The following CTDSPL2 variants were observed in gnomAD, a reference collection of about 807,000 sequenced individuals.
CTDSPL2 encodes the protein CTD small phosphatase like 2, also known as CTD small phosphatase-like protein 2.
In CTDSPL2, 5 loss-of-function variants were observed where a neutral mutation model predicts 60.0. That is an observed-to-expected ratio of 0.08 (90% CI 0.04 to 0.18). The LOEUF (loss-of-function observed/expected upper bound fraction) is 0.18, where lower values mean the gene tolerates loss of function less well. Ranked by LOEUF, CTDSPL2 falls within the 10% of genes least tolerant of loss-of-function variation. The pLI is 1.00. For synonymous variants in CTDSPL2, 186 were observed against 189.3 expected (o/e 0.98, Z 0.14); for missense variants, 370 against 548.8 (o/e 0.67, Z 3.26).
intron 1 of CTDSPL2, among the ~76,000 whole-genome samples, chr15:44,450,853 C>T (rs943823714): frequency 1.3e-5 from 2 of 151,954 alleles, no homozygotes; most frequent in Non-Finnish European, 2.9e-5. Flanking sequence ...CTGCCTTGGC[C>T]TCCCAAAGTG....
intron 1 of CTDSPL2, among the ~76,000 whole-genome samples, chr15:44,435,205 C>T (rs1361838695): frequency 2.8e-5 from 4 of 145,008 alleles, no homozygotes; most frequent in African/African-American, 5.2e-5. Context: ...TACAGTGAGC[C>T]GAGATCACGC....
chr15:44,469,020 A>G (rs1265773752), intron 2 of CTDSPL2, among the ~76,000 whole-genome samples: 1 of 152,030 alleles, frequency 6.6e-6, no homozygotes, highest in African/African-American at 2.4e-5. Context: ...ATTAATCCTT[A>G]TTTTACTTAA....
intron 1 of CTDSPL2, among the ~76,000 whole-genome samples, chr15:44,429,811 A>G (rs1595682288): frequency 6.6e-6 from 1 of 152,200 alleles, no homozygotes. Flanking sequence ...GGCTGCAGTG[A>G]GCTGAAGACC....
chr15:44,515,477 A>T (rs1222724759), intron 10 of CTDSPL2, among the ~76,000 whole-genome samples: 1 of 152,106 alleles, frequency 6.6e-6, no homozygotes, highest in African/African-American at 2.4e-5. Flanking sequence ...CTGAAGTGAG[A>T]TAGTAAGACT....
At chr15:44,429,313 A>G (rs1290983584) in intron 1 of CTDSPL2, among the ~76,000 whole-genome samples, 1 of 152,192 alleles carries the variant, frequency 6.6e-6, no homozygotes, top group Non-Finnish European at 1.5e-5. Context: ...CACGTTAACT[A>G]CTTGCCGAGT....
At chr15:44,465,058 C>A (rs999166300) in intron 2 of CTDSPL2, among the ~76,000 whole-genome samples, 2 of 152,118 alleles carry the variant, frequency 1.3e-5, no homozygotes, top group Non-Finnish European at 2.9e-5. Context: ...AATACGGTCA[C>A]GTTCTGAAGT....
chr15:44,515,873 CAAA>C (rs1194324667), intron 10 of CTDSPL2, among the ~76,000 whole-genome samples: 4 of 149,494 alleles, frequency 2.7e-5, no homozygotes. Context: ...AACTCCATCT[CAAA>C]AAAAAAGACT....
intron 8 of CTDSPL2, among the ~76,000 whole-genome samples, chr15:44,505,490 T>C (rs2081444776): frequency 6.6e-6 from 1 of 151,910 alleles, no homozygotes; most frequent in African/African-American, 2.4e-5. Context: ...TCCCAGCACT[T>C]TGGGAGGCTG....
rs2081201002 is a variant in CTDSPL2 at position 44,490,802 on chromosome 15, C to G, written c.494C>G (p.Ser165Cys). 3 of 1,612,756 alleles carry G rather than the reference C, an allele frequency of 1.9e-6. No individual in the cohort carries two copies. The highest frequency in any genetic ancestry group is 1.3e-5 in the African/African-American group (1 of 75,002). ...ATTTCAGGAACGTCAGGATCAGATT[C>G]TCCAGGACAGGCTGTGGAAGCTGAA... is the stretch of plus-strand genomic sequence containing the variant. ...ANKNGTSGSD[S>C]PGQAVEAEEI... Residue 165 changes from serine (S) to cysteine (C), a missense_variant, in exon 5 of 13, where the codon TCT (serine) becomes TGT (cysteine). By Grantham distance (112) the Ser-to-Cys change is moderately radical (BLOSUM62 -1). This residue lies in a region of CTDSPL2 where 287 missense variants were observed against 296.1 expected (regional missense o/e 0.97). Transcript: ENST00000260327.
chr15:44,511,658 C>T (rs949344052), intron 8 of CTDSPL2, among the ~76,000 whole-genome samples: 3 of 151,844 alleles, frequency 2.0e-5, no homozygotes, highest in African/African-American at 4.8e-5. Context: ...CACCTGAGTT[C>T]GAGAGTTTGA....
Position 44,497,054 on chromosome 15 carries a change from A to G in CTDSPL2, c.798A>G (p.Pro266=), listed in dbSNP as rs910809516. The G allele has an allele frequency of 3.7e-6, 6 of 1,608,550 alleles. No homozygotes were observed. The Admixed American group carries it at 5.1e-5, about 14-fold the overall frequency. ...DPYYFIKHVP[P]LTEEQLNRKP... ...ATTATTTCATCAAACATGTCCCGCC[A>G]CTGACAGAAGAACAACTAAATAGGA... Residue 266 remains proline (P), a synonymous_variant, in exon 7 of 13, where the codon CCA becomes CCG. Transcript: ENST00000260327.
intron 1 of CTDSPL2, among the ~76,000 whole-genome samples, chr15:44,446,890 A>T (rs914263522): frequency 1.4e-4 from 21 of 151,398 alleles, no homozygotes; most frequent in African/African-American, 4.8e-4. Flanking sequence ...AAGTTGCTGG[A>T]ATTACAGGTG....
chr15:44,492,437 T>C (rs1313568323), intron 5 of CTDSPL2, among the ~76,000 whole-genome samples: 1 of 152,218 alleles, frequency 6.6e-6, no homozygotes, highest in African/African-American at 2.4e-5. Flanking sequence ...TCTTTTACTT[T>C]ACAATGGGTT....
At chr15:44,491,519 G>A (rs1300973651) in intron 5 of CTDSPL2, among the ~76,000 whole-genome samples, 1 of 152,166 alleles carries the variant, frequency 6.6e-6, no homozygotes, top group Non-Finnish European at 1.5e-5. Flanking sequence ...TTGAAATGTG[G>A]AAACATATGG....
intron 8 of CTDSPL2, among the ~76,000 whole-genome samples, chr15:44,507,631 T>G (rs935196188): frequency 2.0e-5 from 3 of 152,218 alleles, no homozygotes; most frequent in East Asian, 1.9e-4. Context: ...GGTTTTATCT[T>G]TAAGTTCTGG....
chr15:44,518,941 A>C (rs16964478), intron 10 of CTDSPL2: 8,405 of 290,004 alleles, frequency 0.029, 684 homozygotes, highest in African/African-American at 0.17. Flanking sequence ...GGATAAACTC[A>C]AGTTCTTTAA....
intron 10 of CTDSPL2, among the ~76,000 whole-genome samples, chr15:44,515,380 A>G (rs2081631729): frequency 1.3e-5 from 2 of 152,122 alleles, no homozygotes; most frequent in Non-Finnish European, 2.9e-5. Flanking sequence ...GTGTGCCCTG[A>G]GCCAGCAGAT....
intron 2 of CTDSPL2, among the ~76,000 whole-genome samples, chr15:44,465,540 T>TG (rs1282349804): frequency 1.3e-5 from 2 of 152,304 alleles, no homozygotes; most frequent in East Asian, 3.9e-4. Context: ...CTGATTTTTC[T>TG]GTTTTGTTTC....
rs757364972 is a variant in CTDSPL2 at position 44,484,269 on chromosome 15, A to G, written c.232A>G (p.Ile78Val). The G allele has an allele frequency of 3.6e-5, 58 of 1,611,720 alleles. No individual in the cohort carries two copies. Among genetic ancestry groups the G allele is most frequent in the Non-Finnish European group, 4.6e-5 (54 of 1,178,040 alleles). Residue 78 changes from isoleucine (I) to valine (V), a missense_variant, in exon 3 of 13, where the codon ATA becomes GTA. Around this residue, in one of 6 missense-constraint regions of CTDSPL2, gnomAD observed 287 missense variants for 296.1 expected, o/e 0.97. Transcript: ENST00000260327. ...AAAACGGAGTAGAATTGAACGTGAT[A>G]TAGATAACAATTTGATCACGTCAAC... ...PSKRSRIERD[I>V]DNNLITSTPR...
Sources: gnomAD v4.1 joint callset for allele counts (sites outside exome capture counted in the v4.1 genomes callset) on GRCh38, gnomAD v4.1.1 for gene constraint, gnomAD v4.1.1 regional missense constraint, MANE v1.5 for transcripts, NCBI Gene and HGNC (gene_info 2026-07-23, HGNC 2026-07-21) for gene names.